The following POTEC variants were observed in gnomAD, a reference collection of about 807,000 sequenced individuals.
POTEC encodes the protein POTE ankyrin domain family member C.
In POTEC, 35 loss-of-function variants were observed where a neutral mutation model predicts 62.0. The observed-to-expected ratio is 0.56, with a 90% CI of 0.43 to 0.75. The LOEUF is 0.75. Among genes scored for constraint, POTEC ranks in the 30% least tolerant of loss-of-function variants. The probability of loss-of-function intolerance (pLI) is 0.00; values close to 1 mark genes in which losing one functional copy is unlikely to be tolerated. For synonymous variants in POTEC, 156 were observed against 221.5 expected, an observed-to-expected ratio of 0.70 and a Z score of 2.62; for missense variants, 472 against 655.9, an observed-to-expected ratio of 0.72 and a Z score of 3.06.
chr18:14,512,265 C>G (rs948756671), intron 10 of POTEC, among the ~76,000 whole-genome samples: 3 of 151,862 alleles, frequency 2.0e-5, no homozygotes, highest in African/African-American at 7.3e-5. Context: ...TACAAAAAAC[C>G]CAGAGGCATA....
In POTEC at chr18:14,534,986, G is replaced by A; in HGVS notation, c.832C>T (p.Leu278Phe). 1 of 1,550,062 alleles carries A rather than the reference G, an allele frequency of 6.5e-7. No homozygotes were observed. The highest frequency in any genetic ancestry group is 8.7e-7 in the Non-Finnish European group (1 of 1,152,890). ...KNKCGLTPLL[L>F]GVHEQKQQVV... ...TGCTGTTTTTGTTCATGTACGCCAA[G>A]CAAAAGTGGTGTGAGGCCACACTGT... The change falls in exon 4 of 11, where the codon CTT becomes TTT. Residue 278 changes from leucine (L) to phenylalanine (F), a missense_variant. By Grantham distance (22) the Leu-to-Phe change is conservative. Transcript: ENST00000358970.
Position 14,510,746 on chromosome 18 carries a change from T to TA in POTEC, c.*1151dup, listed in dbSNP as rs1032496653. The TA allele has an allele frequency of 3.9e-4, 59 of 152,278 alleles. No individual in the cohort carries two copies. The highest frequency in any genetic ancestry group is 1.3e-3 in the African/African-American group (56 of 41,550). 9.4% of individuals were successfully genotyped at this position (152,278 alleles called of 1,614,324 possible). A position where few individuals can be genotyped will look rare whatever the true frequency, so the allele number is the denominator to read the frequency against. ...GGAGGAACAGGAATAGGGACTTGTT[T>TA]AAAAAAGAAGTCTGGCCACGTTTTT... On this transcript the variant is annotated 3_prime_UTR_variant, in exon 11 of 11. Coordinates refer to ENST00000358970, the MANE Select transcript of POTEC (RefSeq NM_001137671.2).
At chr18:14,529,771 T>C (rs2143144791) in intron 6 of POTEC, among the ~76,000 whole-genome samples, 1 of 152,228 alleles carries the variant, frequency 6.6e-6, no homozygotes, top group South Asian at 2.1e-4. Flanking sequence ...AAAGTAAATG[T>C]ATCTCTTTCC....
At position 14,530,690 on chromosome 18, in the gene POTEC, G is replaced by A. The variant is rs1905481339; in HGVS notation, c.1056-137C>T. On this transcript the variant is annotated intron_variant, in intron 5 of 10. Transcript: ENST00000358970. ...TAACAGTATTATCCCATACACTTAT[G>A]AGTACATTCTACAAACTTTTCTTTA... 6.6e-6 allele frequency: 6 copies of A among 913,190 alleles called. No individual in the cohort carries two copies. In the East Asian group the frequency reaches 1.3e-4, roughly 20 times the overall value. The allele number at this position is 913,190 out of a possible 1,614,324, so 56.6% of individuals were successfully genotyped here. A position where few individuals can be genotyped will look rare whatever the true frequency, so the allele number is the denominator to read the frequency against.
intron 3 of POTEC, among the ~76,000 whole-genome samples, chr18:14,536,201 G>T (rs1285943651): frequency 6.7e-6 from 1 of 148,728 alleles, no homozygotes; most frequent in Non-Finnish European, 1.5e-5. Context: ...CTCCAGCCTG[G>T]GGAACAGAGT....
chr18:14,537,810 T>C lies in POTEC; in HGVS notation c.801A>G (p.Ser267=). The C allele has an allele frequency of 6.2e-7, 1 of 1,611,338 alleles. No homozygotes were observed. ...ALLLYGADIE[S]KNKCGLTPLL... is the part of the protein sequence containing the mutation. ...ATTGGTAGATCTATACCTTGTTTTT[T>C]GATTCAATATCAGCACCATATAAGA... The change falls in exon 3 of 11, where the codon TCA becomes TCG. Residue 267 remains serine, a synonymous_variant. Transcript: ENST00000358970.
Position 14,542,663 on chromosome 18 carries a change from T to C in POTEC, c.484A>G (p.Arg162Gly), listed in dbSNP as rs1905980832. 1 of 1,612,768 alleles carries C rather than the reference T, an allele frequency of 6.2e-7. No individual in the cohort carries two copies. ...TCCCTCTTGTTCATGTCCGTGTCCC[T>C]GAGCATGACGATGAGATCCTTTCTG... ...VPRKDLIVML[R>G]DTDMNKRDKQ... The change falls in exon 1 of 11, where the codon AGG (arginine) becomes GGG (glycine). Residue 162 changes from arginine to glycine, a missense_variant. By Grantham distance (125) the Arg-to-Gly change is moderately radical. Around this residue, in one of 5 missense-constraint regions of POTEC, gnomAD observed 257 missense variants for 250.7 expected, o/e 1.03. Transcript: ENST00000358970.
chr18:14,542,121 A>G (rs2034073259), intron 1 of POTEC, among the ~76,000 whole-genome samples: 1 of 152,102 alleles, frequency 6.6e-6, no homozygotes, highest in Non-Finnish European at 1.5e-5. Context: ...TCTTAAGAAA[A>G]ACGAACCTTC....
intron 1 of POTEC, among the ~76,000 whole-genome samples, chr18:14,539,821 T>C: frequency 6.6e-6 from 1 of 152,174 alleles, no homozygotes; most frequent in Non-Finnish European, 1.5e-5. Context: ...TGCCCCAATT[T>C]TGATTCTCTC....
chr18:14,543,119 C>A lies in POTEC; in HGVS notation c.28G>T (p.Ala10Ser), dbSNP rs45488295. 3 of 1,613,932 alleles carry A rather than the reference C, an allele frequency of 1.9e-6. No individual in the cohort carries two copies. Among genetic ancestry groups the A allele is most frequent in the Admixed American group, 3.3e-5 (2 of 60,018 alleles). The change falls in exon 1 of 11, where the codon GCT becomes TCT. Residue 10 changes from alanine (A) to serine (S), a missense_variant. Around this residue, in one of 5 missense-constraint regions of POTEC, gnomAD observed 257 missense variants for 250.7 expected, o/e 1.03. Transcript: ENST00000358970. MVTEVCSMP[A>S]ASAVKKPFDL... ...AATGGCTTCTTCACAGCAGAGGCAG[C>A]GGGCATTGAACAAACCTCAGTCACC...
intron 3 of POTEC, among the ~76,000 whole-genome samples, chr18:14,536,097 C>T (rs1905703828): frequency 6.6e-6 from 1 of 151,174 alleles, no homozygotes; most frequent in African/African-American, 2.4e-5. Context: ...GCAAAAACCT[C>T]ATCTCTACTA....
rs778193847 is a variant in POTEC, at chr18:14,542,901, A to G, written c.246T>C (p.Thr82=). The G allele has an allele frequency of 2.4e-5, 30 of 1,268,314 alleles. No individual in the cohort carries two copies. The highest frequency in any genetic ancestry group is 4.5e-5 in the Admixed American group (2 of 44,058). The allele number at this position is 1,268,314 out of a possible 1,614,324, so 78.6% of individuals were successfully genotyped here. Residue 82 remains threonine (T), a synonymous_variant, in exon 1 of 11, where the codon ACT becomes ACC. Transcript: ENST00000358970. ...CRGSGTSNVG[T]SGDHDNSFMK... ...TAAAGGAGTTGTCATGGTCTCCAGA[A>G]GTGCCCACGTTGCTCGTGCCGCTCC... is the stretch of plus-strand genomic sequence containing the variant.
intron 10 of POTEC, among the ~76,000 whole-genome samples, chr18:14,512,950 A>G (rs2143105514): frequency 6.6e-6 from 1 of 152,314 alleles, no homozygotes; most frequent in East Asian, 1.9e-4. Flanking sequence ...TATAACTTAC[A>G]AGGCTTTTCT....
At chr18:14,537,140 C>G (rs1298746785) in intron 3 of POTEC, among the ~76,000 whole-genome samples, 1 of 131,136 alleles carries the variant, frequency 7.6e-6, no homozygotes, top group African/African-American at 2.8e-5. Flanking sequence ...CCCTGTCTCA[C>G]CATATAAAGG....
intron 6 of POTEC, 128 bp from the exon 7 acceptor site, chr18:14,525,111 G>A (rs1380715547): frequency 8.7e-6 from 12 of 1,376,616 alleles, no homozygotes; most frequent in African/African-American, 1.5e-5. Context: ...AGTCTTTCAT[G>A]AAATAGTTAC....
Position 14,543,298 on chromosome 18 carries a change from A to C in POTEC, c.-152T>G, listed in dbSNP as rs1196647703. On this transcript the variant is annotated 5_prime_UTR_variant, in exon 1 of 11. Coordinates refer to ENST00000358970, the MANE Select transcript of POTEC (RefSeq NM_001137671.2). ...CTTGCCAACCCCAGCAAGGGAGCCC[A>C]GTCCACCCCACCCAGGGAAAACCCA... 6 of 1,345,758 alleles carry C rather than the reference A, an allele frequency of 4.5e-6. No individual in the cohort carries two copies. The African/African-American group carries it at 8.9e-5, about 20-fold the overall frequency. The allele number at this position is 1,345,758 out of a possible 1,614,324, so 83.4% of individuals were successfully genotyped here. A position where few individuals can be genotyped will look rare whatever the true frequency, so the allele number is the denominator to read the frequency against.
At chr18:14,512,467 G>T (rs949015127) in intron 10 of POTEC, among the ~76,000 whole-genome samples, 9 of 152,200 alleles carry the variant, frequency 5.9e-5, no homozygotes, top group African/African-American at 2.2e-4. Flanking sequence ...TATTTTTACA[G>T]TCAGTTGTAA....
At chr18:14,521,989 A>G (rs1910323107) in intron 9 of POTEC, among the ~76,000 whole-genome samples, 1 of 152,160 alleles carries the variant, frequency 6.6e-6, no homozygotes, top group Non-Finnish European at 1.5e-5. Flanking sequence ...CTGCACATGA[A>G]CTTCTGAAGC....
intron 1 of POTEC, among the ~76,000 whole-genome samples, chr18:14,540,149 T>A (rs1441874965): frequency 6.6e-6 from 1 of 152,070 alleles, no homozygotes; most frequent in African/African-American, 2.4e-5. Context: ...AATTATATAA[T>A]AAAATGTATA....
Sources: allele counts gnomAD v4.1 joint callset (sites outside exome capture counted in the v4.1 genomes callset), GRCh38; gene constraint gnomAD v4.1.1; regional missense constraint gnomAD v4.1.1; transcripts MANE v1.5; gene names NCBI Gene and HGNC (gene_info 2026-07-23, HGNC 2026-07-21).